PIBF1: variants seen among roughly 807,000 people sequenced by gnomAD.
The protein encoded by PIBF1 is progesterone-induced-blocking factor 1.
A neutral mutation model predicts 112.5 loss-of-function variants in PIBF1; 90 were observed. The ratio of observed to expected loss-of-function variants is 0.80; its 90% confidence interval spans 0.67 to 0.95. The LOEUF is 0.95. Ranked by LOEUF, PIBF1 falls within the 40% of genes least tolerant of loss-of-function variation. The pLI is 0.00. For synonymous variants in PIBF1, 301 were observed against 288.6 expected (o/e 1.04, Z -0.44); for missense variants, 915 against 852.3 (o/e 1.07, Z -0.92).
intron 5 of PIBF1, among the ~76,000 whole-genome samples, chr13:72,808,464 T>C (rs531657924): frequency 2.6e-5 from 4 of 152,280 alleles, no homozygotes; most frequent in African/African-American, 9.6e-5. Context: ...ACATTGTGAG[T>C]ATTATGTTGT....
chr13:72,974,676 C>T (rs998020895), intron 16 of PIBF1, among the ~76,000 whole-genome samples: 1 of 152,086 alleles, frequency 6.6e-6, no homozygotes, highest in Non-Finnish European at 1.5e-5. Context: ...ATGGATGTAA[C>T]CCAGTTTGTT....
chr13:72,973,392 G>A (rs1258146975), intron 15 of PIBF1, among the ~76,000 whole-genome samples, 199 bp from the exon 16 acceptor site: 1 of 151,912 alleles, frequency 6.6e-6, no homozygotes, highest in Non-Finnish European at 1.5e-5. Context: ...GAAAGGAAAA[G>A]AAAAGAAAAA....
intron 5 of PIBF1, among the ~76,000 whole-genome samples, chr13:72,810,946 C>A (rs1240152724): frequency 6.6e-6 from 1 of 151,920 alleles, no homozygotes; most frequent in Admixed American, 6.6e-5. Context: ...AAGCTCCGCC[C>A]CCCAGGTTCA....
chr13:72,908,701 C>T lies in PIBF1; in HGVS notation c.1639+20C>T. On this transcript the variant is annotated intron_variant, in intron 12 of 17. Coordinates refer to ENST00000326291, the MANE Select transcript of PIBF1 (RefSeq NM_006346.4). The stretch of plus-strand genomic sequence containing the variant: ...CAGAAAGTAAGTCTTCCCCCACACA[C>T]ACATGCACAACTTTTTTTTTTCTGG... The T allele has an allele frequency of 6.3e-7, 1 of 1,584,490 alleles. No individual in the cohort carries two copies. The highest frequency in any genetic ancestry group is 8.6e-7 in the Non-Finnish European group (1 of 1,169,468).
At chr13:72,812,932 T>C (rs534549129) in intron 5 of PIBF1, among the ~76,000 whole-genome samples, 1 of 151,932 alleles carries the variant, frequency 6.6e-6, no homozygotes, top group East Asian at 1.9e-4. Flanking sequence ...CCAGCCTGTG[T>C]AAGAGTGAGA....
chr13:72,887,877 GT>G (rs2138535695), intron 10 of PIBF1, among the ~76,000 whole-genome samples: 1 of 152,064 alleles, frequency 6.6e-6, no homozygotes, highest in African/African-American at 2.4e-5. Flanking sequence ...AATGAGTCAA[GT>G]TTTTATTTTT....
intron 14 of PIBF1, among the ~76,000 whole-genome samples, chr13:72,934,419 T>G (rs2041803161): frequency 6.6e-6 from 1 of 152,170 alleles, no homozygotes; most frequent in South Asian, 2.1e-4. Context: ...TGCATCAGCC[T>G]CCCGAGTAGC....
intron 9 of PIBF1, among the ~76,000 whole-genome samples, chr13:72,843,636 TC>T (rs1457382444): frequency 6.6e-6 from 1 of 152,206 alleles, no homozygotes; most frequent in African/African-American, 2.4e-5. Flanking sequence ...GGTCTGGAAC[TC>T]CTGACCTCAG....
At chr13:73,012,071 G>T (rs2044219947) in intron 17 of PIBF1, among the ~76,000 whole-genome samples, 2 of 152,124 alleles carry the variant, frequency 1.3e-5, no homozygotes, top group South Asian at 2.1e-4. Flanking sequence ...ACAAATGCTG[G>T]CCGGGTGCAG....
rs541919055 is a variant in PIBF1, at chr13:72,837,223, T to C, written c.1223+1855T>C. Among the ~76,000 whole-genome samples, 20 of 152,220 alleles carry C rather than the reference T, an allele frequency of 1.3e-4. No homozygotes were observed. In the South Asian group the frequency reaches 4.1e-3, roughly 32 times the overall value. On this transcript the variant is annotated intron_variant, in intron 9 of 17. Transcript: ENST00000326291. Reference sequence around the variant, plus strand: ...TAAAAAATGTTTTGACATATTAATTTTTAAAATAACATTTTTTATCTTGGG... The same window carrying C: ...TAAAAAATGTTTTGACATATTAATTCTTAAAATAACATTTTTTATCTTGGG...
chr13:72,901,187 G>C (rs1028257539), intron 11 of PIBF1: 2 of 289,618 alleles, frequency 6.9e-6, no homozygotes, highest in South Asian at 5.5e-5. Context: ...ATGAATATCC[G>C]GAATCTACAG....
chr13:72,994,401 A>G (rs1002292012), intron 16 of PIBF1, among the ~76,000 whole-genome samples: 3 of 152,352 alleles, frequency 2.0e-5, no homozygotes, highest in Middle Eastern at 3.4e-3. Flanking sequence ...GGAAAGTTGA[A>G]GTACAAATAG....
In PIBF1 at chr13:73,002,983, CAAAAAA is replaced by C. The variant is rs1161228077; in HGVS notation, c.2223+4007_2223+4012del. Among the ~76,000 whole-genome samples the C allele has an allele frequency of 6.7e-3, 384 of 57,526 alleles. 24 individuals are homozygous for C. Among genetic ancestry groups the C allele is most frequent in the East Asian group, 0.015 (23 of 1,546 alleles). The allele number at this position is 57,526 out of a possible 152,430, so 37.7% of individuals were successfully genotyped here. On this transcript the variant is annotated intron_variant, in intron 17 of 17. Coordinates refer to ENST00000326291, the MANE Select transcript of PIBF1 (RefSeq NM_006346.4). Reference sequence around the variant, plus strand: ...GGACGACACAGCAAGACTCTGGTCTCAAAAAAAAAAAAAAAAAAAAAAAAGCCTTAG... The same window carrying C: ...GGACGACACAGCAAGACTCTGGTCTCAAAAAAAAAAAAAAAAAAGCCTTAG...
At chr13:73,009,716 A>T (rs1375529652) in intron 17 of PIBF1, among the ~76,000 whole-genome samples, 1 of 152,228 alleles carries the variant, frequency 6.6e-6, no homozygotes, top group African/African-American at 2.4e-5. Flanking sequence ...TGAAATTAAA[A>T]TGGTTGTGAT....
At chr13:72,824,172 C>T (rs2036692129) in intron 6 of PIBF1, among the ~76,000 whole-genome samples, 1 of 128,366 alleles carries the variant, frequency 7.8e-6, no homozygotes, top group Non-Finnish European at 1.6e-5. Flanking sequence ...CGCCACCATG[C>T]CCAGCTAATT....
intron 8 of PIBF1, among the ~76,000 whole-genome samples, chr13:72,829,795 G>GT (rs1566325921): frequency 6.6e-6 from 1 of 152,156 alleles, no homozygotes; most frequent in Non-Finnish European, 1.5e-5. Context: ...GTTTAAAGTA[G>GT]TTTTTTCCAA....
At position 72,821,864 on chromosome 13, in the gene PIBF1, C is replaced by A; in HGVS notation, c.688C>A (p.Arg230=). ...TGGTTTATAGACATATGAGGAAGAT[C>A]GAAAAAACTACTCTGAAGTTCAAAT... The part of the protein sequence containing the change: ...KQLTETYEED[R]KNYSEVQIRC... The change falls in exon 6 of 18, where the codon CGA becomes AGA. Residue 230 remains arginine, a synonymous_variant. Transcript: ENST00000326291. 6.2e-7 allele frequency: 1 copy of A among 1,610,714 alleles called. No homozygotes were observed. Among genetic ancestry groups the A allele is most frequent in the Non-Finnish European group, 8.5e-7 (1 of 1,178,212 alleles).
At chr13:72,805,861 A>G (rs2035705407) in intron 5 of PIBF1, among the ~76,000 whole-genome samples, 1 of 152,234 alleles carries the variant, frequency 6.6e-6, no homozygotes, top group Non-Finnish European at 1.5e-5. Context: ...TGTGTAATGC[A>G]TGAAGATTAG....
chr13:72,957,768 A>G (rs898645980), intron 14 of PIBF1, among the ~76,000 whole-genome samples: 27 of 151,936 alleles, frequency 1.8e-4, no homozygotes, highest in Admixed American at 1.4e-3. Context: ...GCAAGACCCT[A>G]TCTCTAAAAA....
Sources: allele counts gnomAD v4.1 joint callset (sites outside exome capture counted in the v4.1 genomes callset), GRCh38; gene constraint gnomAD v4.1.1; transcripts MANE v1.5; gene names NCBI Gene and HGNC (gene_info 2026-07-23, HGNC 2026-07-21).